TBC1D32: variants seen among roughly 807,000 people sequenced by gnomAD.
TBC1D32 encodes protein broad-minded.
In TBC1D32, 151 loss-of-function variants were observed where a neutral mutation model predicts 170.3. The ratio of observed to expected loss-of-function variants is 0.89; its 90% confidence interval spans 0.78 to 1.01. The LOEUF (loss-of-function observed/expected upper bound fraction) is 1.01. Ranked by LOEUF, TBC1D32 falls within the 50% of genes least tolerant of loss-of-function variation. The pLI, the probability that TBC1D32 is intolerant of heterozygous loss-of-function variation, is 0.00. For synonymous variants in TBC1D32, 498 were observed against 488.0 expected (o/e 1.02, Z -0.27); for missense variants, 1,464 against 1,457.1 (o/e 1.00, Z -0.08).
intron 22 of TBC1D32, among the ~76,000 whole-genome samples, chr6:121,200,040 A>G (rs1411920985): frequency 6.6e-6 from 1 of 151,440 alleles, no homozygotes; most frequent in East Asian, 1.9e-4. Context: ...GTAAATATAA[A>G]ATAATAACAA....
chr6:121,239,247 G>A, intron 19 of TBC1D32, 59 bp from the exon 20 acceptor site: 1 of 1,027,364 alleles, frequency 9.7e-7, no homozygotes, highest in South Asian at 1.6e-5. Context: ...GATTATGAAG[G>A]AAAGATATGA....
intron 26 of TBC1D32, among the ~76,000 whole-genome samples, chr6:121,118,561 T>C (rs1048359877): frequency 1.3e-5 from 2 of 152,176 alleles, no homozygotes; most frequent in African/African-American, 4.8e-5. Flanking sequence ...AGAAATTAAA[T>C]CTATTCTGCC....
chr6:121,266,750 T>C (rs765989612), intron 15 of TBC1D32, among the ~76,000 whole-genome samples: 2 of 152,068 alleles, frequency 1.3e-5, no homozygotes, highest in African/African-American at 4.8e-5. Context: ...AATGAGCTCA[T>C]GTCCTTTGCA....
intron 15 of TBC1D32, among the ~76,000 whole-genome samples, chr6:121,257,287 G>C (rs947887210): frequency 1.3e-5 from 2 of 151,660 alleles, no homozygotes; most frequent in African/African-American, 4.9e-5. Context: ...GGTTGCCGCT[G>C]TCTACCTCCT....
In TBC1D32 at chr6:121,199,323, T is replaced by A. The variant is rs192120509; in HGVS notation, c.2570+5752A>T. Among the ~76,000 whole-genome samples the A allele has an allele frequency of 2.1e-3, 312 of 151,364 alleles. 3 individuals carry two copies. Among genetic ancestry groups the A allele is most frequent in the Non-Finnish European group, 6.9e-4 (47 of 67,970 alleles). The stretch of plus-strand genomic sequence containing the variant: ...TATGATACAGATTAATATTTATAGG[T>A]GTGAATGGATAATTTTAAATACTGA... On this transcript the variant is annotated intron_variant, in intron 22 of 31. Coordinates refer to ENST00000398212, the MANE Select transcript of TBC1D32 (RefSeq NM_152730.6).
chr6:121,112,941 C>T, intron 28 of TBC1D32, 121 bp downstream of exon 28: 1 of 730,018 alleles, frequency 1.4e-6, no homozygotes, highest in Non-Finnish European at 2.2e-6. Flanking sequence ...TATATCATAA[C>T]AAATCACTAA....
At chr6:121,170,280 GTTAT>G (rs1377173061) in intron 22 of TBC1D32, 1 of 989,390 alleles carries the variant, frequency 1.0e-6, no homozygotes. Flanking sequence ...TTTGTATTCT[GTTAT>G]TTAAATTGAT....
chr6:121,328,017 T>C (rs1274229133), intron 1 of TBC1D32, among the ~76,000 whole-genome samples: 1 of 152,176 alleles, frequency 6.6e-6, no homozygotes, highest in Non-Finnish European at 1.5e-5. Flanking sequence ...TTTTAGAATA[T>C]CCTTACAAGG....
intron 16 of TBC1D32, among the ~76,000 whole-genome samples, chr6:121,255,717 T>C (rs537274981): frequency 2.0e-5 from 3 of 152,208 alleles, no homozygotes; most frequent in South Asian, 4.1e-4. Flanking sequence ...TATACACATA[T>C]ATGGCTATTG....
chr6:121,262,613 A>T (rs1156282029), intron 15 of TBC1D32, among the ~76,000 whole-genome samples: 1 of 151,800 alleles, frequency 6.6e-6, no homozygotes, highest in African/African-American at 2.4e-5. Flanking sequence ...AGTAGCTGGG[A>T]CTATAGGCAT....
At chr6:121,242,840 A>AG (rs1797161692) in intron 17 of TBC1D32, among the ~76,000 whole-genome samples, 1 of 152,100 alleles carries the variant, frequency 6.6e-6, no homozygotes, top group Non-Finnish European at 1.5e-5. Flanking sequence ...TTCTATAAGA[A>AG]AGATCAACAT....
rs572388249 is a variant in TBC1D32, at chr6:121,200,335, C to T, written c.2570+4740G>A. Among the ~76,000 whole-genome samples, 48 of 151,186 alleles carry T rather than the reference C, an allele frequency of 3.2e-4. 2 individuals carry two copies. Among genetic ancestry groups the T allele is most frequent in the African/African-American group, 9.1e-4 (37 of 40,758 alleles). On this transcript the variant is annotated intron_variant, in intron 22 of 31. Coordinates refer to ENST00000398212, the MANE Select transcript of TBC1D32 (RefSeq NM_152730.6). ...TGCAATTCCACAGCCTATAATAAAA[C>T]TTAATGTGGTCAGTTTGATATAAAG... is the stretch of plus-strand genomic sequence containing the variant.
At chr6:121,300,934 A>G (rs1806373738) in intron 9 of TBC1D32, among the ~76,000 whole-genome samples, 1 of 152,238 alleles carries the variant, frequency 6.6e-6, no homozygotes, top group Non-Finnish European at 1.5e-5. Context: ...AAGACACATG[A>G]AAAAATGCTC....
intron 22 of TBC1D32, among the ~76,000 whole-genome samples, chr6:121,172,813 T>A (rs1787238149): frequency 6.6e-6 from 1 of 152,238 alleles, no homozygotes; most frequent in Non-Finnish European, 1.5e-5. Context: ...TATCAGCATT[T>A]AAGTGTTGTT....
chr6:121,088,526 C>A (rs1333614530), intron 31 of TBC1D32, among the ~76,000 whole-genome samples: 1 of 151,774 alleles, frequency 6.6e-6, no homozygotes, highest in Non-Finnish European at 1.5e-5. Flanking sequence ...TATTTCAGGG[C>A]CAAATGGAGT....
intron 17 of TBC1D32, among the ~76,000 whole-genome samples, chr6:121,244,325 T>C (rs916073372): frequency 6.6e-6 from 1 of 152,192 alleles, no homozygotes; most frequent in South Asian, 2.1e-4. Context: ...AAGAAGTCTA[T>C]GTGAGTCCTC....
At chr6:121,289,939 T>C (rs555823258) in intron 12 of TBC1D32, among the ~76,000 whole-genome samples, 18 of 152,256 alleles carry the variant, frequency 1.2e-4, no homozygotes, top group African/African-American at 4.1e-4. Context: ...GAAAACTGGA[T>C]AGACATATGT....
chr6:121,150,145 G>A (rs1784026184), intron 24 of TBC1D32, among the ~76,000 whole-genome samples: 1 of 152,050 alleles, frequency 6.6e-6, no homozygotes, highest in South Asian at 2.1e-4. Context: ...CATTGGCTGT[G>A]GGTTTCTCAT....
chr6:121,087,922 A>C (rs1351809888), intron 31 of TBC1D32, among the ~76,000 whole-genome samples: 1 of 150,954 alleles, frequency 6.6e-6, no homozygotes, highest in African/African-American at 2.4e-5. Flanking sequence ...GAATATTATT[A>C]TGGCTGTGGT....
Sources: gnomAD v4.1 joint callset for allele counts (sites outside exome capture counted in the v4.1 genomes callset) on GRCh38, gnomAD v4.1.1 for gene constraint, MANE v1.5 for transcripts, NCBI Gene and HGNC (gene_info 2026-07-23, HGNC 2026-07-21) for gene names.